The following TRIM44 variants were observed in gnomAD, a reference collection of about 807,000 sequenced individuals.
TRIM44 encodes tripartite motif containing 44.
In TRIM44, 13 loss-of-function variants were observed where a neutral mutation model predicts 37.4. The ratio of observed to expected loss-of-function variants is 0.35; its 90% CI spans 0.23 to 0.55. TRIM44 has a LOEUF of 0.55. TRIM44 is among the 20% of genes least tolerant of loss of function. The pLI, the probability that TRIM44 is intolerant of heterozygous loss-of-function variation, is 0.89. For missense variants in TRIM44, 426 were observed against 437.2 expected (o/e 0.97, Z 0.23); for synonymous variants, 175 against 157.2 (o/e 1.11, Z -0.85).
chr11:35,772,228 C>G (rs1185013833), intron 4 of TRIM44, among the ~76,000 whole-genome samples: 3 of 152,172 alleles, frequency 2.0e-5, no homozygotes, highest in African/African-American at 7.2e-5. Context: ...GCCTGGATGC[C>G]CAGGCATAAG....
intron 1 of TRIM44, among the ~76,000 whole-genome samples, chr11:35,682,084 G>T (rs187307141): frequency 6.7e-6 from 1 of 149,692 alleles, no homozygotes; most frequent in Non-Finnish European, 1.5e-5. Flanking sequence ...TCAGCCTCCC[G>T]AGTAGCTGGG....
intron 2 of TRIM44, among the ~76,000 whole-genome samples, chr11:35,709,091 G>T (rs1308858895): frequency 6.6e-6 from 1 of 151,906 alleles, no homozygotes; most frequent in Admixed American, 6.6e-5. Context: ...CAGCCAATTG[G>T]TGCTGCAGTT....
intron 2 of TRIM44, among the ~76,000 whole-genome samples, chr11:35,690,984 C>A (rs559651791): frequency 1.3e-5 from 2 of 152,088 alleles, no homozygotes; most frequent in African/African-American, 4.8e-5. Context: ...GCAATGTGAC[C>A]CTTAACTGAT....
At chr11:35,716,664 G>A (rs1039074554) in intron 2 of TRIM44, among the ~76,000 whole-genome samples, 1 of 152,084 alleles carries the variant, frequency 6.6e-6, no homozygotes, top group Non-Finnish European at 1.5e-5. Context: ...ATTATCTGGT[G>A]GAGAAAATAA....
chr11:35,691,550 C>G (rs909436972), intron 2 of TRIM44, among the ~76,000 whole-genome samples: 1 of 152,230 alleles, frequency 6.6e-6, no homozygotes, highest in African/African-American at 2.4e-5. Flanking sequence ...GTGCAGGACA[C>G]TTACATTAGT....
At chr11:35,801,318 T>A (rs900452705) in intron 4 of TRIM44, among the ~76,000 whole-genome samples, 33 of 152,252 alleles carry the variant, frequency 2.2e-4, no homozygotes, top group African/African-American at 7.5e-4. Flanking sequence ...TCCTTGTCAA[T>A]ACCTCTTAAT....
intron 4 of TRIM44, among the ~76,000 whole-genome samples, chr11:35,804,526 G>C (rs1464891837): frequency 2.0e-5 from 3 of 152,208 alleles, no homozygotes; most frequent in Admixed American, 6.5e-5. Context: ...GCTTAGGGCA[G>C]AGTCACCATG....
chr11:35,681,050 A>G (rs948614274), intron 1 of TRIM44, among the ~76,000 whole-genome samples: 67 of 151,952 alleles, frequency 4.4e-4, no homozygotes, highest in African/African-American at 1.6e-3. Context: ...TTTCATTTAG[A>G]TCTTTCTGAT....
intron 1 of TRIM44, among the ~76,000 whole-genome samples, chr11:35,675,010 C>T (rs143015476): frequency 6.6e-6 from 1 of 152,326 alleles, no homozygotes; most frequent in Non-Finnish European, 1.5e-5. Context: ...CCCATTATAA[C>T]AGCCTGTGAA....
At chr11:35,751,843 C>T (rs555060068) in intron 4 of TRIM44, among the ~76,000 whole-genome samples, 76 of 152,258 alleles carry the variant, frequency 5.0e-4, no homozygotes, top group Middle Eastern at 3.4e-3. Flanking sequence ...AGGATGTGCA[C>T]GGACATCTCA....
intron 4 of TRIM44, among the ~76,000 whole-genome samples, chr11:35,766,474 A>G (rs1468710632): frequency 6.6e-6 from 1 of 152,224 alleles, no homozygotes; most frequent in East Asian, 1.9e-4. Flanking sequence ...CGTACAATCT[A>G]AGATGACAGT....
intron 4 of TRIM44, among the ~76,000 whole-genome samples, chr11:35,738,355 A>G (rs1294083257): frequency 6.7e-6 from 1 of 149,268 alleles, no homozygotes; most frequent in East Asian, 2.0e-4. Context: ...ATGGAAAGGC[A>G]TAGAGTTTCT....
At chr11:35,716,052 A>G (rs555404025) in intron 2 of TRIM44, among the ~76,000 whole-genome samples, 2 of 152,192 alleles carry the variant, frequency 1.3e-5, no homozygotes, top group African/African-American at 2.4e-5. Flanking sequence ...GATCCAAACC[A>G]TATCCAAAAG....
chr11:35,751,523 G>A (rs988009650), intron 4 of TRIM44, among the ~76,000 whole-genome samples: 2 of 152,166 alleles, frequency 1.3e-5, no homozygotes, highest in African/African-American at 4.8e-5. Context: ...GAACCTGGCT[G>A]TCTCAATTTT....
chr11:35,805,124 T>G (rs1853430473), intron 4 of TRIM44, among the ~76,000 whole-genome samples: 1 of 152,188 alleles, frequency 6.6e-6, no homozygotes, highest in Admixed American at 6.5e-5. Flanking sequence ...GACACAGACC[T>G]TACTATGTGA....
rs953643273 is a variant in TRIM44, at chr11:35,778,465, G to A, written c.1008-27893G>A. On this transcript the variant is annotated intron_variant, in intron 4 of 4. Transcript: ENST00000299413. ...GTCTGAAGCCTTCTTCTCTCAAGTC[G>A]TCAAAGTCATTCTCCATCCAGCTTT... 2.4e-4 allele frequency among the ~76,000 whole-genome samples: 36 copies of A among 152,108 alleles called. 1 individual carries two copies. Among genetic ancestry groups the A allele is most frequent in the Non-Finnish European group, 4.3e-4 (29 of 68,030 alleles).
intron 2 of TRIM44, among the ~76,000 whole-genome samples, chr11:35,703,932 G>A (rs1467789207): frequency 6.6e-6 from 1 of 152,204 alleles, no homozygotes. Context: ...CGAGTTGAGA[G>A]AAGAAGGCTT....
At position 35,816,774 on chromosome 11, in the gene TRIM44, G is replaced by A. The variant is rs927255776; in HGVS notation, c.*10389G>A. ...ACTCTGAACAATTAAATGAGCAGAT[G>A]GTCTACAGGGCTTAGTACAGTGCCT... On this transcript the variant is annotated 3_prime_UTR_variant, in exon 5 of 5. Transcript: ENST00000299413. 2.6e-5 allele frequency: 4 copies of A among 152,158 alleles called. No individual in the cohort carries two copies. The highest frequency in any genetic ancestry group is 7.2e-5 in the African/African-American group (3 of 41,442). The allele number at this position is 152,158 out of a possible 1,614,324, so 9.4% of individuals were successfully genotyped here. A position where few individuals can be genotyped will look rare whatever the true frequency, so the allele number is the denominator to read the frequency against.
intron 1 of TRIM44, among the ~76,000 whole-genome samples, chr11:35,675,637 T>G (rs1010856253): frequency 2.0e-5 from 3 of 152,178 alleles, no homozygotes; most frequent in Non-Finnish European, 4.4e-5. Flanking sequence ...TTCTCCTGCC[T>G]CAGCCTCCCA....
Sources: allele counts gnomAD v4.1 joint callset (sites outside exome capture counted in the v4.1 genomes callset), GRCh38; gene constraint gnomAD v4.1.1; transcripts MANE v1.5; gene names NCBI Gene and HGNC (gene_info 2026-07-23, HGNC 2026-07-21).